The following CDYL2 variants were observed in gnomAD, a reference collection of about 807,000 sequenced individuals.
CDYL2 encodes chromodomain Y-like protein 2.
A neutral mutation model predicts 49.4 loss-of-function variants in CDYL2; 23 were observed. The observed-to-expected ratio is 0.47, with a 90% CI of 0.34 to 0.66. The LOEUF is 0.66. CDYL2 is among the 30% of genes least tolerant of loss of function. The pLI, the probability that CDYL2 is intolerant of heterozygous loss-of-function variation, is 0.01. For synonymous variants in CDYL2, 360 were observed against 268.8 expected (o/e 1.34, Z -3.32); for missense variants, 678 against 656.4 (o/e 1.03, Z -0.36).
intron 1 of CDYL2, among the ~76,000 whole-genome samples, chr16:80,743,964 T>C (rs1905838920): frequency 6.6e-6 from 1 of 152,156 alleles, no homozygotes; most frequent in Non-Finnish European, 1.5e-5. Flanking sequence ...CTTCTGCTGC[T>C]TCTGCAAAGG....
chr16:80,794,576 T>C (rs373646848), intron 1 of CDYL2, among the ~76,000 whole-genome samples: 2 of 152,078 alleles, frequency 1.3e-5, no homozygotes, highest in African/African-American at 4.8e-5. Context: ...TGTTGAGTTT[T>C]TTAATTATTA....
chr16:80,758,100 A>C (rs1906375942), intron 1 of CDYL2, among the ~76,000 whole-genome samples: 1 of 152,208 alleles, frequency 6.6e-6, no homozygotes. Context: ...TCAAAAGTCC[A>C]GAAATATTAA....
At chr16:80,695,179 T>C (rs1392334654) in intron 1 of CDYL2, among the ~76,000 whole-genome samples, 2 of 152,276 alleles carry the variant, frequency 1.3e-5, no homozygotes, top group South Asian at 2.1e-4. Flanking sequence ...CATGCATCTA[T>C]GTAATATCTG....
At chr16:80,772,468 T>TTGG (rs1555537000) in intron 1 of CDYL2, among the ~76,000 whole-genome samples, 1 of 152,234 alleles carries the variant, frequency 6.6e-6, no homozygotes, top group Non-Finnish European at 1.5e-5. Flanking sequence ...TTTTATTTTT[T>TTGG]GGGAGACGGA....
rs113335160 is a variant in CDYL2 at position 80,623,441 on chromosome 16, C to T, written c.835-2506G>A. Among the ~76,000 whole-genome samples, 36 of 151,074 alleles carry T rather than the reference C, an allele frequency of 2.4e-4. 2 individuals are homozygous for T. Among genetic ancestry groups the T allele is most frequent in the Middle Eastern group, 3.7e-3 (1 of 272 alleles). ...TGTCCCCGTTTATATACTGACCCTA[C>T]GGAACAGGTCAGCTTCTGCCCCAAG... On this transcript the variant is annotated intron_variant, in intron 3 of 6. Transcript: ENST00000570137.
intron 1 of CDYL2, among the ~76,000 whole-genome samples, chr16:80,768,855 A>G (rs180678137): frequency 6.6e-6 from 1 of 152,244 alleles, no homozygotes; most frequent in East Asian, 1.9e-4. Context: ...AAGATGCTTT[A>G]GGATTAGAAG....
chr16:80,708,457 C>T (rs547334159), intron 1 of CDYL2, among the ~76,000 whole-genome samples: 7 of 152,288 alleles, frequency 4.6e-5, no homozygotes, highest in Admixed American at 2.0e-4. Flanking sequence ...CATGTGGAAA[C>T]GTGAGGCCAT....
intron 1 of CDYL2, among the ~76,000 whole-genome samples, chr16:80,711,237 A>C (rs1904584880): frequency 6.6e-6 from 1 of 152,258 alleles, no homozygotes. Context: ...GCAGATGGCC[A>C]ACAAGAAGTG....
intron 2 of CDYL2, among the ~76,000 whole-genome samples, chr16:80,674,942 G>A (rs920922939): frequency 1.1e-4 from 16 of 152,198 alleles, no homozygotes; most frequent in Admixed American, 5.9e-4. Context: ...TATATATGAT[G>A]TGTGCATGAG....
chr16:80,628,844 G>C (rs868849653), intron 3 of CDYL2, among the ~76,000 whole-genome samples: 4 of 151,726 alleles, frequency 2.6e-5, no homozygotes, highest in African/African-American at 7.3e-5. Context: ...TAATGGAGGA[G>C]GGGGGGGATA....
intron 1 of CDYL2, among the ~76,000 whole-genome samples, chr16:80,797,496 T>A (rs1348273869): frequency 6.6e-6 from 1 of 152,222 alleles, no homozygotes; most frequent in Non-Finnish European, 1.5e-5. Flanking sequence ...AAAGCAGGAT[T>A]GTATGGAACT....
At chr16:80,714,203 A>G (rs965116220) in intron 1 of CDYL2, among the ~76,000 whole-genome samples, 1 of 152,156 alleles carries the variant, frequency 6.6e-6, no homozygotes, top group African/African-American at 2.4e-5. Context: ...TTGACCCTTG[A>G]CACTAAGCTT....
chr16:80,637,691 A>G (rs955418856), intron 2 of CDYL2, among the ~76,000 whole-genome samples: 1 of 152,198 alleles, frequency 6.6e-6, no homozygotes, highest in Non-Finnish European at 1.5e-5. Flanking sequence ...TCAATAGTAC[A>G]ATGGAGAGAT....
intron 5 of CDYL2, among the ~76,000 whole-genome samples, chr16:80,609,108 C>A (rs910983695): frequency 6.6e-5 from 10 of 152,154 alleles, no homozygotes; most frequent in Admixed American, 3.9e-4. Flanking sequence ...ATCTCTGTAC[C>A]ACACTCCCCA....
intron 1 of CDYL2, among the ~76,000 whole-genome samples, chr16:80,774,176 A>C (rs1396990436): frequency 6.6e-6 from 1 of 152,218 alleles, no homozygotes; most frequent in Non-Finnish European, 1.5e-5. Context: ...AAAACAAAGA[A>C]AATTTATTTG....
chr16:80,784,863 G>A (rs1165468209), intron 1 of CDYL2, among the ~76,000 whole-genome samples: 1 of 152,164 alleles, frequency 6.6e-6, no homozygotes, highest in Non-Finnish European at 1.5e-5. Flanking sequence ...GGTCAGGGAG[G>A]CATCCTTAGT....
chr16:80,689,573 T>C (rs1261166739), intron 1 of CDYL2, among the ~76,000 whole-genome samples: 1 of 152,166 alleles, frequency 6.6e-6, no homozygotes, highest in African/African-American at 2.4e-5. Context: ...AGCCACATCT[T>C]GCCAGTGAGA....
intron 1 of CDYL2, among the ~76,000 whole-genome samples, chr16:80,736,737 G>A (rs772241736): frequency 3.3e-5 from 5 of 152,172 alleles, no homozygotes; most frequent in Non-Finnish European, 5.9e-5. Context: ...ATAGTGAGAC[G>A]TCATCTCTAT....
intron 1 of CDYL2, among the ~76,000 whole-genome samples, chr16:80,755,276 T>C (rs1407703780): frequency 6.6e-6 from 1 of 152,230 alleles, no homozygotes; most frequent in African/African-American, 2.4e-5. Flanking sequence ...TCTTAGCCTT[T>C]AATTACCAAG....
Sources: gnomAD v4.1 joint callset for allele counts (sites outside exome capture counted in the v4.1 genomes callset) on GRCh38, gnomAD v4.1.1 for gene constraint, MANE v1.5 for transcripts, NCBI Gene and HGNC (gene_info 2026-07-23, HGNC 2026-07-21) for gene names.